Variants in MTHFD2L observed in about 807,000 individuals in gnomAD.
MTHFD2L encodes the protein methylenetetrahydrofolate dehydrogenase (NADP+ dependent) 2 like.
MTHFD2L carries 29 observed loss-of-function variants against 34.9 expected under a neutral mutation model. That is an observed-to-expected ratio of 0.83 (90% CI 0.62 to 1.13). The LOEUF (loss-of-function observed/expected upper bound fraction) is 1.13. Among genes scored for constraint, MTHFD2L ranks in the 50% most tolerant of loss-of-function variants. The pLI is 0.00. For synonymous variants in MTHFD2L, 167 were observed against 155.7 expected (o/e 1.07, Z -0.54); for missense variants, 481 against 446.5 (o/e 1.08, Z -0.70).
At chr4:74,268,661 G>A (rs1478373822) in intron 6 of MTHFD2L, among the ~76,000 whole-genome samples, 1 of 152,182 alleles carries the variant, frequency 6.6e-6, no homozygotes, top group African/African-American at 2.4e-5. Flanking sequence ...GCCATTTCAT[G>A]AAGAGTTACA....
chr4:74,276,571 C>A (rs528683034), intron 6 of MTHFD2L, among the ~76,000 whole-genome samples: 2 of 152,128 alleles, frequency 1.3e-5, no homozygotes, highest in African/African-American at 4.8e-5. Flanking sequence ...TGGTATATGT[C>A]TTTTATTTAT....
At chr4:74,224,155 T>C (rs749242943) in intron 5 of MTHFD2L, 1 of 152,144 alleles carries the variant, frequency 6.6e-6, no homozygotes, top group African/African-American at 2.4e-5. Context: ...TATGTAAGTG[T>C]GTTCCCACCC....
intron 6 of MTHFD2L, among the ~76,000 whole-genome samples, chr4:74,276,466 A>G (rs1746663753): frequency 6.6e-6 from 1 of 152,176 alleles, no homozygotes; most frequent in African/African-American, 2.4e-5. Flanking sequence ...TATGATAGCA[A>G]CAACAGAAAA....
chr4:74,187,307 A>G (rs955701424), intron 3 of MTHFD2L, among the ~76,000 whole-genome samples: 3 of 152,180 alleles, frequency 2.0e-5, no homozygotes, highest in Non-Finnish European at 4.4e-5. Context: ...TAGAATGTCA[A>G]AGAACTGTGG....
chr4:74,148,957 G>A (rs956862061), intron 1 of MTHFD2L, among the ~76,000 whole-genome samples: 1 of 151,736 alleles, frequency 6.6e-6, no homozygotes, highest in African/African-American at 2.4e-5. Context: ...TGACCAATGG[G>A]AAACAATAGC....
intron 3 of MTHFD2L, among the ~76,000 whole-genome samples, chr4:74,199,042 G>T (rs1046427362): frequency 2.6e-5 from 4 of 151,980 alleles, no homozygotes; most frequent in Non-Finnish European, 5.9e-5. Context: ...TATACTTTTA[G>T]TATATTAGGC....
chr4:74,269,801 C>T (rs1339164837), intron 6 of MTHFD2L, among the ~76,000 whole-genome samples: 1 of 152,024 alleles, frequency 6.6e-6, no homozygotes. Context: ...AGGCGGAAGA[C>T]TTGTCAAAAG....
chr4:74,271,929 G>A (rs937470629), intron 6 of MTHFD2L, among the ~76,000 whole-genome samples: 10 of 152,110 alleles, frequency 6.6e-5, no homozygotes, highest in African/African-American at 2.4e-4. Flanking sequence ...TCTCTTTGAA[G>A]TATAGCTAGT....
intron 1 of MTHFD2L, among the ~76,000 whole-genome samples, chr4:74,131,036 G>A (rs996261546): frequency 3.3e-5 from 5 of 152,130 alleles, no homozygotes; most frequent in African/African-American, 1.2e-4. Flanking sequence ...TACAAGGGAT[G>A]TGAAGGACCC....
chr4:74,212,261 C>G (rs907548334), intron 5 of MTHFD2L, among the ~76,000 whole-genome samples: 3 of 151,934 alleles, frequency 2.0e-5, no homozygotes, highest in African/African-American at 7.3e-5. Context: ...ATTGTTGCTT[C>G]TCTAGTTATT....
In MTHFD2L at chr4:74,158,127, G is replaced by A; in HGVS notation, c.-12G>A. ...GGTGGAGCCCCAGTCCGGAAGCCGG[G>A]GATCCGCGGCCATGACGGTGCCGGT... On this transcript the variant is annotated 5_prime_UTR_variant, in exon 1 of 8. Transcript: ENST00000325278. The A allele has an allele frequency of 2.0e-6, 3 of 1,530,606 alleles. No homozygotes were observed. The highest frequency in any genetic ancestry group is 1.2e-5 in the South Asian group (1 of 82,746). The allele number at this position is 1,530,606 out of a possible 1,614,324, so 94.8% of individuals were successfully genotyped here.
At chr4:74,257,650 T>C (rs1405744950) in intron 6 of MTHFD2L, among the ~76,000 whole-genome samples, 1 of 152,026 alleles carries the variant, frequency 6.6e-6, no homozygotes, top group East Asian at 1.9e-4. Context: ...AATGGAGAAA[T>C]ATACTTTGGG....
chr4:74,220,702 G>A (rs1370865319), intron 5 of MTHFD2L, among the ~76,000 whole-genome samples: 1 of 151,192 alleles, frequency 6.6e-6, no homozygotes, highest in Admixed American at 6.6e-5. Context: ...TATTATAATG[G>A]GGCCTCTTCT....
chr4:74,271,777 C>G (rs1210741311), intron 6 of MTHFD2L, among the ~76,000 whole-genome samples: 1 of 152,138 alleles, frequency 6.6e-6, no homozygotes, highest in Non-Finnish European at 1.5e-5. Flanking sequence ...GCCATTTTCA[C>G]AATATTGATT....
At chr4:74,230,761 A>G (rs1739919331) in intron 6 of MTHFD2L, among the ~76,000 whole-genome samples, 1 of 152,130 alleles carries the variant, frequency 6.6e-6, no homozygotes, top group South Asian at 2.1e-4. Flanking sequence ...AAGAAGGGAA[A>G]GCTAGCCAGT....
At chr4:74,260,180 A>G (rs1048573756) in intron 6 of MTHFD2L, among the ~76,000 whole-genome samples, 4 of 152,154 alleles carry the variant, frequency 2.6e-5, no homozygotes, top group Non-Finnish European at 5.9e-5. Context: ...GTCTGTGGCA[A>G]GAGTGGGCCA....
chr4:74,237,420 G>A (rs1741010601), intron 6 of MTHFD2L, among the ~76,000 whole-genome samples: 1 of 152,144 alleles, frequency 6.6e-6, no homozygotes. Context: ...AGGCCAAGGT[G>A]GGCAGATCAT....
intron 5 of MTHFD2L, among the ~76,000 whole-genome samples, chr4:74,204,367 G>T (rs1474143048): frequency 6.6e-6 from 1 of 152,172 alleles, no homozygotes; most frequent in Admixed American, 6.5e-5. Context: ...GCATGTAGCT[G>T]TGGCATTATT....
At chr4:74,186,849 T>A (rs1471194408) in intron 3 of MTHFD2L, among the ~76,000 whole-genome samples, 1 of 152,050 alleles carries the variant, frequency 6.6e-6, no homozygotes, top group East Asian at 1.9e-4. Context: ...CCTAAAATGG[T>A]CCAAACAATT....
Sources: allele counts gnomAD v4.1 joint callset (sites outside exome capture counted in the v4.1 genomes callset), GRCh38; gene constraint gnomAD v4.1.1; transcripts MANE v1.5; gene names NCBI Gene and HGNC (gene_info 2026-07-23, HGNC 2026-07-21).